SEZ6L: variants seen among roughly 807,000 people sequenced by gnomAD.
The protein encoded by SEZ6L is seizure 6-like protein.
Under a neutral mutation model 106.2 loss-of-function variants are expected in SEZ6L, and 37 were observed. That is an observed-to-expected ratio of 0.35 (90% CI 0.27 to 0.46). The LOEUF (loss-of-function observed/expected upper bound fraction) is 0.46, where lower values mean the gene tolerates loss of function less well. Among genes scored for constraint, SEZ6L ranks in the 20% least tolerant of loss-of-function variants. The probability of loss-of-function intolerance (pLI) is 1.00; values close to 1 mark genes in which losing one functional copy is unlikely to be tolerated. For synonymous variants in SEZ6L, 541 were observed against 570.4 expected (o/e 0.95, Z 0.73); for missense variants, 1,172 against 1,332.8 (o/e 0.88, Z 1.88).
chr22:26,347,284 A>C (rs2083039217), intron 10 of SEZ6L, among the ~76,000 whole-genome samples: 2 of 152,224 alleles, frequency 1.3e-5, no homozygotes, highest in South Asian at 4.2e-4. Flanking sequence ...AAAATACAAA[A>C]ATTTTTAAAA....
chr22:26,178,970 C>T (rs79165631), intron 1 of SEZ6L, among the ~76,000 whole-genome samples: 1,998 of 152,234 alleles, frequency 0.013, 19 homozygotes, highest in Middle Eastern at 0.031. Flanking sequence ...TTTATGTCCC[C>T]TCCCCCGACA....
intron 1 of SEZ6L, among the ~76,000 whole-genome samples, chr22:26,274,239 C>A (rs983305633): frequency 2.0e-5 from 3 of 152,086 alleles, no homozygotes; most frequent in African/African-American, 7.2e-5. Context: ...TTGAGAGGAG[C>A]AAATGAAATG....
At position 26,211,691 on chromosome 22, in the gene SEZ6L, C is replaced by G. The variant is rs1423656586; in HGVS notation, c.94+41928C>G. Among the ~76,000 whole-genome samples the G allele has an allele frequency of 4.0e-5, 6 of 150,052 alleles. No homozygotes were observed. In the East Asian group the frequency reaches 9.8e-4, roughly 25 times the overall value. ...ATTTGTTAATAGCCCATTTTGTAGC[C>G]AGGTGTGGTGGCTCACACCTGTAAT... On this transcript the variant is annotated intron_variant, in intron 1 of 16. Coordinates refer to ENST00000248933, the MANE Select transcript of SEZ6L (RefSeq NM_021115.5).
chr22:26,185,868 C>T (rs1384419249), intron 1 of SEZ6L, among the ~76,000 whole-genome samples: 3 of 152,080 alleles, frequency 2.0e-5, no homozygotes, highest in Non-Finnish European at 2.9e-5. Context: ...GTCTATGTGA[C>T]TTTAAAAGAA....
chr22:26,316,420 T>C (rs1349787510), intron 9 of SEZ6L, among the ~76,000 whole-genome samples: 1 of 151,966 alleles, frequency 6.6e-6, no homozygotes, highest in Admixed American at 6.6e-5. Context: ...GTAAATGCAG[T>C]GTGAAAGGAG....
At chr22:26,257,777 G>A (rs1295061341) in intron 1 of SEZ6L, among the ~76,000 whole-genome samples, 1 of 152,166 alleles carries the variant, frequency 6.6e-6, no homozygotes, top group Non-Finnish European at 1.5e-5. Context: ...GCCGCTCACC[G>A]ATCTGGAGGG....
At chr22:26,239,117 G>T (rs1467521786) in intron 1 of SEZ6L, among the ~76,000 whole-genome samples, 1 of 152,186 alleles carries the variant, frequency 6.6e-6, no homozygotes, top group African/African-American at 2.4e-5. Flanking sequence ...CCAGCTACTT[G>T]GGAGGCTGAG....
chr22:26,342,739 T>C (rs1273474319), intron 10 of SEZ6L, among the ~76,000 whole-genome samples: 1 of 151,604 alleles, frequency 6.6e-6, no homozygotes, highest in East Asian at 1.9e-4. Flanking sequence ...TCTAACTAGG[T>C]TGGTGCAGAA....
At chr22:26,338,998 C>G (rs755801293) in intron 9 of SEZ6L, among the ~76,000 whole-genome samples, 24 of 151,512 alleles carry the variant, frequency 1.6e-4, no homozygotes, top group South Asian at 4.2e-4. Context: ...GCCACTGCAC[C>G]TGGACTCCCT....
chr22:26,382,107 C>G lies in SEZ6L; in HGVS notation c.*1812C>G. On this transcript the variant is annotated 3_prime_UTR_variant, in exon 17 of 17. Coordinates refer to ENST00000248933, the MANE Select transcript of SEZ6L (RefSeq NM_021115.5). The stretch of plus-strand genomic sequence containing the variant: ...CAGAAAAGAATCTTGCACATATACT[C>G]CTGAAGGCATGAGTGTGTGGTCCAT... 2.0e-6 allele frequency: 1 copy of G among 511,262 alleles called. No individual in the cohort carries two copies. Among genetic ancestry groups the G allele is most frequent in the Non-Finnish European group, 3.9e-6 (1 of 255,636 alleles). The allele number at this position is 511,262 out of a possible 1,614,324, so 31.7% of individuals were successfully genotyped here.
intron 1 of SEZ6L, among the ~76,000 whole-genome samples, chr22:26,263,053 T>A (rs1323813942): frequency 6.6e-6 from 1 of 152,230 alleles, no homozygotes; most frequent in Non-Finnish European, 1.5e-5. Context: ...CACCTAGCCC[T>A]GGTTCCCCTA....
At chr22:26,251,924 T>A (rs1258803219) in intron 1 of SEZ6L, among the ~76,000 whole-genome samples, 3 of 152,130 alleles carry the variant, frequency 2.0e-5, no homozygotes, top group Non-Finnish European at 4.4e-5. Flanking sequence ...TGCATCTCCC[T>A]GGATACCTTT....
At chr22:26,287,362 G>A (rs738401) in intron 1 of SEZ6L, among the ~76,000 whole-genome samples, 67,178 of 151,884 alleles carry the variant, frequency 0.44, 16,253 homozygotes, top group Non-Finnish European at 0.56. Context: ...TCTTGTGTCG[G>A]GTGTCAACCA....
rs2081181757 is a variant in SEZ6L at position 26,292,897 on chromosome 22, A to G, written c.586A>G (p.Thr196Ala). 6.2e-7 allele frequency: 1 copy of G among 1,614,038 alleles called. No homozygotes were observed. The highest frequency in any genetic ancestry group is 1.1e-5 in the South Asian group (1 of 91,074). The change falls in exon 2 of 17, where the codon ACA becomes GCA. Residue 196 changes from threonine to alanine, a missense_variant. Thr to Ala is a moderately conservative substitution (Grantham distance 58, BLOSUM62 0). Transcript: ENST00000248933. ...CCGAAAGGAGAGTGCGGTCCCTACA[A>G]CACCCGCACCCCTGCAAATCTCCCC... ...LDRKESAVPT[T>A]PAPLQISPFT...
intron 1 of SEZ6L, among the ~76,000 whole-genome samples, chr22:26,196,928 AG>A (rs1378768759): frequency 1.3e-5 from 2 of 152,214 alleles, no homozygotes; most frequent in Non-Finnish European, 2.9e-5. Flanking sequence ...AGAGTAAACA[AG>A]ATCAGTTGTA....
chr22:26,178,523 T>A (rs999933367), intron 1 of SEZ6L, among the ~76,000 whole-genome samples: 1 of 152,134 alleles, frequency 6.6e-6, no homozygotes, highest in Non-Finnish European at 1.5e-5. Context: ...GTTTTGGGGC[T>A]GGAGATTAGA....
intron 4 of SEZ6L, among the ~76,000 whole-genome samples, chr22:26,297,889 C>T (rs569907397): frequency 3.1e-4 from 47 of 151,828 alleles, no homozygotes; most frequent in African/African-American, 1.0e-3. Context: ...CCCCGATTTC[C>T]TCCTATGCAG....
At chr22:26,247,643 G>A (rs2079407128) in intron 1 of SEZ6L, among the ~76,000 whole-genome samples, 1 of 152,070 alleles carries the variant, frequency 6.6e-6, no homozygotes, top group Admixed American at 6.5e-5. Flanking sequence ...AAAAGACATG[G>A]CCCTCCTGAC....
intron 9 of SEZ6L, among the ~76,000 whole-genome samples, chr22:26,325,147 C>G (rs546991612): frequency 6.6e-6 from 1 of 152,302 alleles, no homozygotes; most frequent in African/African-American, 2.4e-5. Context: ...GAAGAAGATG[C>G]ATTCAAGGCC....
Sources: gnomAD v4.1 joint callset for allele counts (sites outside exome capture counted in the v4.1 genomes callset) on GRCh38, gnomAD v4.1.1 for gene constraint, MANE v1.5 for transcripts, NCBI Gene and HGNC (gene_info 2026-07-23, HGNC 2026-07-21) for gene names.